The following IQCH variants were observed in gnomAD, a reference collection of about 807,000 sequenced individuals.
IQCH encodes IQ motif containing H.
A neutral mutation model predicts 117.0 loss-of-function variants in IQCH; 98 were observed. The observed-to-expected ratio is 0.84, with a 90% CI of 0.71 to 0.99. The LOEUF is 0.99. Ranked by LOEUF, IQCH falls within the 50% of genes least tolerant of loss-of-function variation. The pLI is 0.00. For missense variants in IQCH, 1,102 were observed against 1,243.8 expected (o/e 0.89, Z 1.72); for synonymous variants, 412 against 448.2 (o/e 0.92, Z 1.02).
chr15:67,318,865 C>T (rs1967977076), intron 4 of IQCH, among the ~76,000 whole-genome samples: 1 of 152,166 alleles, frequency 6.6e-6, no homozygotes, highest in South Asian at 2.1e-4. Context: ...TAAATCCTAT[C>T]CTTGCACTCT....
chr15:67,257,702 A>G (rs150793778), intron 1 of IQCH, among the ~76,000 whole-genome samples: 2 of 152,384 alleles, frequency 1.3e-5, no homozygotes, highest in East Asian at 1.9e-4. Flanking sequence ...TATTCTTAAT[A>G]TATCTTTATA....
Position 67,416,292 on chromosome 15 carries a change from C to T in IQCH, c.2098-639C>T, listed in dbSNP as rs1019778361. Among the ~76,000 whole-genome samples, 1 of 151,380 alleles carries T rather than the reference C, an allele frequency of 6.6e-6. No individual in the cohort carries two copies. Among genetic ancestry groups the T allele is most frequent in the Middle Eastern group, 3.4e-3 (1 of 292 alleles). ...CAGCACTTTGGGAGGCCGAGGCGGG[C>T]GGATCACCTGAGGTCGGGAGTTTGA... On this transcript the variant is annotated intron_variant, in intron 14 of 20. Coordinates refer to ENST00000335894, the MANE Select transcript of IQCH (RefSeq NM_001031715.3). This position sits in a 1 kb window ranked among gnomAD's most constrained non-coding sequence, Gnocchi z 5.1.
At chr15:67,440,312 CT>C (rs1395188634) in intron 16 of IQCH, among the ~76,000 whole-genome samples, 1 of 152,174 alleles carries the variant, frequency 6.6e-6, no homozygotes, top group East Asian at 1.9e-4. Flanking sequence ...GGTACCAATC[CT>C]TTTGACACTA....
intron 16 of IQCH, among the ~76,000 whole-genome samples, chr15:67,442,163 C>G (rs1224378348): frequency 6.6e-6 from 1 of 152,126 alleles, no homozygotes; most frequent in Non-Finnish European, 1.5e-5. Context: ...GTAATCCCAG[C>G]ACTTCGGGAG....
intron 18 of IQCH, among the ~76,000 whole-genome samples, chr15:67,478,628 A>T (rs2083265609): frequency 6.6e-6 from 1 of 152,132 alleles, no homozygotes; most frequent in African/African-American, 2.4e-5. Flanking sequence ...ATAATCAGAA[A>T]GAAAAGGAAC....
chr15:67,451,009 G>A (rs1158954512), intron 16 of IQCH, among the ~76,000 whole-genome samples: 3 of 152,158 alleles, frequency 2.0e-5, no homozygotes, highest in African/African-American at 7.2e-5. Context: ...GTTTATTTGT[G>A]TAGAGGTGTT....
At chr15:67,332,712 C>T (rs1968717114) in intron 4 of IQCH, among the ~76,000 whole-genome samples, 1 of 152,078 alleles carries the variant, frequency 6.6e-6, no homozygotes, top group Admixed American at 6.6e-5. Context: ...GAGTGGAGAT[C>T]AGGACATCAA....
rs1035968778 is a variant in IQCH, at chr15:67,465,358, G to A, written c.2676+61G>A. On this transcript the variant is annotated intron_variant, in intron 17 of 20. Transcript: ENST00000335894. This position sits in a 1 kb window ranked among gnomAD's most constrained non-coding sequence, Gnocchi z 5.9. ...TCAGCAACACCCACTGCCACTGCCT[G>A]AGCTCTGTCTAGGAGCCAGGATCTT... The A allele has an allele frequency of 6.5e-7, 1 of 1,546,608 alleles. No homozygotes were observed. The highest frequency in any genetic ancestry group is 1.4e-5 in the African/African-American group (1 of 73,638).
chr15:67,259,602 G>C (rs964884432), intron 1 of IQCH, among the ~76,000 whole-genome samples: 1 of 152,098 alleles, frequency 6.6e-6, no homozygotes, highest in Admixed American at 6.5e-5. Flanking sequence ...ACAAACCTTT[G>C]GTACAGTTTT....
rs144384776 is a variant in IQCH, at chr15:67,471,857, G to A, written c.2677-3839G>A. On this transcript the variant is annotated intron_variant, in intron 17 of 20. Transcript: ENST00000335894. Reference sequence around the variant, plus strand: ...CTGTAGAAACTGTGCAGTTGGCTAGGTCTTCTAAAAAGTAGTTGTATCTTG... The same window carrying A: ...CTGTAGAAACTGTGCAGTTGGCTAGATCTTCTAAAAAGTAGTTGTATCTTG... Among the ~76,000 whole-genome samples the A allele has an allele frequency of 5.7e-3, 866 of 152,204 alleles. 9 individuals are homozygous for A. Among genetic ancestry groups the A allele is most frequent in the African/African-American group, 0.019 (787 of 41,524 alleles).
In IQCH at chr15:67,447,448, T is replaced by A. The variant is rs1458296256; in HGVS notation, c.2506-17679T>A. On this transcript the variant is annotated intron_variant, in intron 16 of 20. Coordinates refer to ENST00000335894, the MANE Select transcript of IQCH (RefSeq NM_001031715.3). The surrounding 1 kb of genome is among the most constrained non-coding windows in gnomAD (Gnocchi z 5.3). ...ATGGAATCCAGATTCATCTCTCAGA[T>A]AACTGAATCCAAAAGGTTCCCTTAT... Among the ~76,000 whole-genome samples the A allele has an allele frequency of 6.6e-6, 1 of 152,204 alleles. No homozygotes were observed. The highest frequency in any genetic ancestry group is 1.9e-4 in the East Asian group (1 of 5,196).
chr15:67,403,085 T>C lies in IQCH; in HGVS notation c.2097+2780T>C, dbSNP rs1971732934. On this transcript the variant is annotated intron_variant, in intron 14 of 20. Coordinates refer to ENST00000335894, the MANE Select transcript of IQCH (RefSeq NM_001031715.3). The surrounding 1 kb of genome is among the most constrained non-coding windows in gnomAD (Gnocchi z 4.8). ...CAACATAGTGAAACCTCGTCTCTAC[T>C]AAAAATACAAAAAAATTAGTCGGGG... Among the ~76,000 whole-genome samples, 1 of 152,008 alleles carries C rather than the reference T, an allele frequency of 6.6e-6. No homozygotes were observed. Among genetic ancestry groups the C allele is most frequent in the African/African-American group, 2.4e-5 (1 of 41,390 alleles).
intron 3 of IQCH, among the ~76,000 whole-genome samples, chr15:67,273,576 C>A (rs1040372679): frequency 1.1e-4 from 16 of 152,176 alleles, no homozygotes; most frequent in Non-Finnish European, 1.9e-4. Flanking sequence ...ATTCCCCATA[C>A]ATTTTGACTT....
Position 67,254,974 on chromosome 15 carries a change from G to C in IQCH, c.51+27G>C, listed in dbSNP as rs533073588. The C allele has an allele frequency of 1.9e-6, 3 of 1,604,486 alleles. No individual in the cohort carries two copies. In the East Asian group the frequency reaches 6.8e-5, roughly 36 times the overall value. ...TGGGAAACGGGCTTCCCCCGGCCCTGCCCTGCCCAGCCGCGCCACTTCCGA... is the reference window on the plus strand; with the variant it reads ...TGGGAAACGGGCTTCCCCCGGCCCTCCCCTGCCCAGCCGCGCCACTTCCGA... On this transcript the variant is annotated intron_variant, in intron 1 of 20. Coordinates refer to ENST00000335894, the MANE Select transcript of IQCH (RefSeq NM_001031715.3).
At chr15:67,340,713 T>A (rs1011939828) in intron 5 of IQCH, among the ~76,000 whole-genome samples, 2 of 152,142 alleles carry the variant, frequency 1.3e-5, no homozygotes, top group African/African-American at 4.8e-5. Context: ...TTTATGAATA[T>A]TCAATTTATA....
At position 67,365,658 on chromosome 15, in the gene IQCH, G is replaced by A. The variant is rs542638143; in HGVS notation, c.753+5773G>A. Reference sequence around the variant, plus strand: ...ATATGTAGGTATAGAAGCCACGCACGGTGGCTCACGCCTGTAATCCCAGCA... The same window carrying A: ...ATATGTAGGTATAGAAGCCACGCACAGTGGCTCACGCCTGTAATCCCAGCA... On this transcript the variant is annotated intron_variant, in intron 8 of 20. Coordinates refer to ENST00000335894, the MANE Select transcript of IQCH (RefSeq NM_001031715.3). This position sits in a 1 kb window ranked among gnomAD's most constrained non-coding sequence, Gnocchi z 4.4. 2.0e-5 allele frequency among the ~76,000 whole-genome samples: 3 copies of A among 152,284 alleles called. No homozygotes were observed. The highest frequency in any genetic ancestry group is 1.9e-4 in the East Asian group (1 of 5,186).
At chr15:67,351,858 A>G (rs1969677052) in intron 6 of IQCH, among the ~76,000 whole-genome samples, 2 of 151,858 alleles carry the variant, frequency 1.3e-5, no homozygotes. Context: ...TTCTGTAGCA[A>G]TATGTTTTAA....
At chr15:67,266,651 C>T (rs376988299) in intron 3 of IQCH, among the ~76,000 whole-genome samples, 26 of 152,040 alleles carry the variant, frequency 1.7e-4, no homozygotes, top group African/African-American at 5.8e-4. Flanking sequence ...AGCGAGACTC[C>T]GTCTAAAAAA....
chr15:67,489,234 T>A (rs1042231529), intron 18 of IQCH, among the ~76,000 whole-genome samples: 2 of 151,672 alleles, frequency 1.3e-5, no homozygotes, highest in African/African-American at 2.4e-5. Flanking sequence ...GGGGTTTCAC[T>A]GTGTTAGCCA....
Sources: allele counts gnomAD v4.1 joint callset (sites outside exome capture counted in the v4.1 genomes callset), GRCh38; gene constraint gnomAD v4.1.1; non-coding constraint Gnocchi (gnomAD v3.1); transcripts MANE v1.5; gene names NCBI Gene and HGNC (gene_info 2026-07-23, HGNC 2026-07-21).